CFLAR: variants seen among roughly 807,000 people sequenced by gnomAD.
CFLAR encodes CASP8 and FADD-like apoptosis regulator.
In CFLAR, 14 loss-of-function variants were observed where a neutral mutation model predicts 51.1. The ratio of observed to expected loss-of-function variants is 0.27; its 90% CI spans 0.18 to 0.43. The LOEUF (loss-of-function observed/expected upper bound fraction) is 0.43, where lower values mean the gene tolerates loss of function less well. Ranked by LOEUF, CFLAR falls within the 20% of genes least tolerant of loss-of-function variation. The pLI is 1.00. For synonymous variants in CFLAR, 210 were observed against 211.6 expected (o/e 0.99, Z 0.06); for missense variants, 390 against 566.5 (o/e 0.69, Z 3.16).
rs1381073924 is a variant in CFLAR at position 201,172,894 on chromosome 2, GTTC to G, written c.*8926_*8928del. 2 of 152,166 alleles carry G rather than the reference GTTC, an allele frequency of 1.3e-5. No individual in the cohort carries two copies. The highest frequency in any genetic ancestry group is 2.4e-5 in the African/African-American group (1 of 41,436). The allele number at this position is 152,166 out of a possible 1,614,324, so 9.4% of individuals were successfully genotyped here. A position where few individuals can be genotyped will look rare whatever the true frequency, so the allele number is the denominator to read the frequency against. The stretch of plus-strand genomic sequence containing the variant: ...ATTTTTATATGGATATATGTTTTCA[GTTC>G]TTCTGGGCATATACCTTAGAAGTGA... On this transcript the variant is annotated 3_prime_UTR_variant, in exon 10 of 10. Transcript: ENST00000309955.
intron 8 of CFLAR, among the ~76,000 whole-genome samples, chr2:201,159,438 T>C (rs1942738527): frequency 1.3e-5 from 2 of 151,968 alleles, no homozygotes; most frequent in African/African-American, 2.4e-5. Context: ...GCCTCCTGAG[T>C]AGCTGGGACT....
chr2:201,120,023 CTTTTTTTTTTT>C (rs34076189), intron 1 of CFLAR, among the ~76,000 whole-genome samples: 2 of 112,352 alleles, frequency 1.8e-5, no homozygotes, highest in African/African-American at 7.4e-5. Context: ...CTTTTCTTTT[CTTTTTTTTTTT>C]TTTTTTTTGA....
At chr2:201,160,253 C>A (rs1942844978) in intron 8 of CFLAR, among the ~76,000 whole-genome samples, 179 bp from the exon 9 acceptor site, 1 of 152,150 alleles carries the variant, frequency 6.6e-6, no homozygotes, top group African/African-American at 2.4e-5. Flanking sequence ...AAAATCACAT[C>A]TTTCATGATT....
chr2:201,152,549 C>CAAG (rs1447455033), intron 8 of CFLAR, among the ~76,000 whole-genome samples: 1 of 152,158 alleles, frequency 6.6e-6, no homozygotes, highest in African/African-American at 2.4e-5. Context: ...ACCACCTAAG[C>CAAG]AAGAGCTCAC....
rs928177717 is a variant in CFLAR at position 201,172,851 on chromosome 2, A to G, written c.*8878A>G. The G allele has an allele frequency of 6.6e-6, 1 of 152,200 alleles. No individual in the cohort carries two copies. The highest frequency in any genetic ancestry group is 1.5e-5 in the Non-Finnish European group (1 of 68,024). 9.4% of individuals were successfully genotyped at this position (152,200 alleles called of 1,614,324 possible). A position where few individuals can be genotyped will look rare whatever the true frequency, so the allele number is the denominator to read the frequency against. ...TTTTGCTATTATGGATGATGCTGCT[A>G]TGAATATTCGTATATGAATTTTTAT... On this transcript the variant is annotated 3_prime_UTR_variant, in exon 10 of 10. Coordinates refer to ENST00000309955, the MANE Select transcript of CFLAR (RefSeq NM_003879.7).
At chr2:201,136,774 A>G in intron 4 of CFLAR, 1 of 371,384 alleles carries the variant, frequency 2.7e-6, no homozygotes, top group Non-Finnish European at 5.0e-6. Context: ...GATCAAAAAC[A>G]GAAGAGCATT....
rs746592349 is a variant in CFLAR, at chr2:201,145,404, A to G, written c.633A>G (p.Gln211=). The G allele has an allele frequency of 2.5e-6, 4 of 1,608,218 alleles. No individual in the cohort carries two copies. Among genetic ancestry groups the G allele is most frequent in the Non-Finnish European group, 8.5e-7 (1 of 1,175,286 alleles). ...TCCATAATGGGAGAAGTAAAGAACA[A>G]AGACTTAAGGAACAGCTTGGCGCTC... ...FRLHNGRSKE[Q]RLKEQLGAQQ... Residue 211 remains glutamine, a synonymous_variant, in exon 6 of 10, where the codon CAA becomes CAG. Transcript: ENST00000309955.
chr2:201,147,878 T>A (rs911723678), intron 6 of CFLAR: 1 of 152,086 alleles, frequency 6.6e-6, no homozygotes, highest in Non-Finnish European at 1.5e-5. Context: ...AATAAATAAA[T>A]AAATAATAAT....
chr2:201,154,077 C>CT, intron 8 of CFLAR: 1 of 269,874 alleles, frequency 3.7e-6, no homozygotes, highest in Non-Finnish European at 7.2e-6. Context: ...GCTAATTTTT[C>CT]TTTTTTCTTT....
chr2:201,163,578 A>G, intron 9 of CFLAR: 1 of 1,266,504 alleles, frequency 7.9e-7, no homozygotes, highest in Non-Finnish European at 1.0e-6. Context: ...CCCCATTTGC[A>G]TAGATGATCC....
Position 201,116,192 on chromosome 2 carries a change from T to A in CFLAR, c.-427T>A, listed in dbSNP as rs2047575081. On this transcript the variant is annotated 5_prime_UTR_variant, in exon 1 of 10. It adds an upstream start codon to the 5' untranslated region. Coordinates refer to ENST00000309955, the MANE Select transcript of CFLAR (RefSeq NM_003879.7). This position sits in a 1 kb window ranked among gnomAD's most constrained non-coding sequence, Gnocchi z 4.8. ...CAAGCCATAGCAGGAAACAGCGAGC[T>A]TGCAGCCTCACCGACGAGTCTCAAC... The A allele has an allele frequency of 6.6e-6, 1 of 152,276 alleles. No individual in the cohort carries two copies. The highest frequency in any genetic ancestry group is 1.5e-5 in the Non-Finnish European group (1 of 68,092). 9.4% of individuals were successfully genotyped at this position (152,276 alleles called of 1,614,324 possible). A position where few individuals can be genotyped will look rare whatever the true frequency, so the allele number is the denominator to read the frequency against.
chr2:201,130,187 G>GGGGGGGGGGGGGGGGGA, intron 2 of CFLAR, 41 bp downstream of exon 2: 1 of 292,392 alleles, frequency 3.4e-6, no homozygotes, highest in Non-Finnish European at 7.1e-6. Context: ...GGGTGGGAGG[G>GGGGGGGGGGGGGGGGGA]AGTGAAGTGT....
At chr2:201,144,403 G>T (rs536194416) in intron 5 of CFLAR, 4 of 152,176 alleles carry the variant, frequency 2.6e-5, no homozygotes, top group Non-Finnish European at 5.9e-5. Flanking sequence ...CAAGAATCAG[G>T]ACCATATGTT....
intron 6 of CFLAR, chr2:201,147,913 T>C (rs1353813857): frequency 6.6e-6 from 1 of 152,204 alleles, no homozygotes; most frequent in Non-Finnish European, 1.5e-5. Context: ...TTTATATTAA[T>C]TTGGACTTCC....
intron 8 of CFLAR, among the ~76,000 whole-genome samples, chr2:201,159,213 A>G (rs1040420112): frequency 6.6e-6 from 1 of 151,936 alleles, no homozygotes; most frequent in Non-Finnish European, 1.5e-5. Context: ...GCAACCTGTG[A>G]ATCATGTCTC....
Position 201,136,593 on chromosome 2 carries a change from T to C in CFLAR, c.523+486T>C, listed in dbSNP as rs1045155674. ...CTTGATAAAAGGGACCAGATTCACA[T>C]TGGCCTTCTGCTTTACTTGCATTCC... On this transcript the variant is annotated intron_variant, in intron 4 of 9. Transcript: ENST00000309955. 23 of 1,444,902 alleles carry C rather than the reference T, an allele frequency of 1.6e-5. No homozygotes were observed. In the Admixed American group the frequency reaches 4.0e-4, roughly 25 times the overall value. The allele number at this position is 1,444,902 out of a possible 1,614,324, so 89.5% of individuals were successfully genotyped here. A position where few individuals can be genotyped will look rare whatever the true frequency, so the allele number is the denominator to read the frequency against.
chr2:201,139,727 CCTT>C (rs1216813525), intron 4 of CFLAR: 1 of 152,898 alleles, frequency 6.5e-6, no homozygotes, highest in African/African-American at 2.4e-5. Flanking sequence ...TATCTGCTGA[CCTT>C]CTCTCCACTA....
intron 1 of CFLAR, 196 bp from the exon 2 acceptor site, chr2:201,129,533 C>T (rs944477330): frequency 5.0e-6 from 2 of 402,462 alleles, no homozygotes; most frequent in African/African-American, 4.1e-5. Context: ...AGGTTTTCTT[C>T]TCTGTCTTTT....
intron 5 of CFLAR, among the ~76,000 whole-genome samples, chr2:201,143,791 G>T (rs1939509324): frequency 6.6e-6 from 1 of 151,964 alleles, no homozygotes; most frequent in Non-Finnish European, 1.5e-5. Flanking sequence ...GTGAAACCCT[G>T]TCTCTACTAA....
Sources: gnomAD v4.1 joint callset for allele counts (sites outside exome capture counted in the v4.1 genomes callset) on GRCh38, gnomAD v4.1.1 for gene constraint, Gnocchi (gnomAD v3.1) non-coding constraint, MANE v1.5 for transcripts, NCBI Gene and HGNC (gene_info 2026-07-23, HGNC 2026-07-21) for gene names.